The following ORC2 variants were observed in gnomAD, a reference collection of about 807,000 sequenced individuals.
ORC2 encodes origin recognition complex subunit 2, also known as origin recognition complex protein 2 homolog.
ORC2 carries 37 observed loss-of-function variants against 77.7 expected under a neutral mutation model. That is an observed-to-expected ratio of 0.48 (90% CI 0.37 to 0.63). The LOEUF is 0.63. ORC2 is among the 20% of genes least tolerant of loss of function. ORC2 has a pLI of 0.00. For missense variants in ORC2, 557 were observed against 661.9 expected (o/e 0.84, Z 1.74); for synonymous variants, 201 against 229.5 (o/e 0.88, Z 1.12).
intron 5 of ORC2, among the ~76,000 whole-genome samples, chr2:200,949,353 T>C (rs995673147): frequency 6.6e-6 from 1 of 152,074 alleles, no homozygotes; most frequent in Non-Finnish European, 1.5e-5. Context: ...AGAAGACATC[T>C]GAGCATGAAA....
intron 6 of ORC2, among the ~76,000 whole-genome samples, chr2:200,941,915 A>G (rs2041158603): frequency 6.6e-6 from 1 of 152,006 alleles, no homozygotes; most frequent in African/African-American, 2.4e-5. Flanking sequence ...TGAACCCAGA[A>G]GGCAGAGGTT....
At chr2:200,944,199 A>C (rs2041207727) in intron 5 of ORC2, among the ~76,000 whole-genome samples, 1 of 151,738 alleles carries the variant, frequency 6.6e-6, no homozygotes, top group Non-Finnish European at 1.5e-5. Flanking sequence ...TTTGAGATAG[A>C]GTCTTGCTCT....
intron 5 of ORC2, among the ~76,000 whole-genome samples, chr2:200,947,625 T>C (rs2041273059): frequency 6.6e-6 from 1 of 152,254 alleles, no homozygotes; most frequent in Non-Finnish European, 1.5e-5. Context: ...TGTATTTATA[T>C]ACCTTTATAA....
intron 17 of ORC2, among the ~76,000 whole-genome samples, chr2:200,912,866 G>T (rs16835618): frequency 1.3e-5 from 2 of 152,076 alleles, no homozygotes; most frequent in Non-Finnish European, 2.9e-5. Flanking sequence ...TTATGTGTGC[G>T]ATTACTTGAC....
intron 7 of ORC2, among the ~76,000 whole-genome samples, chr2:200,939,038 CA>C (rs1425388297): frequency 2.0e-5 from 3 of 147,578 alleles, no homozygotes; most frequent in African/African-American, 7.5e-5. Context: ...AACTCTTCCT[CA>C]GGGGGAAAAA....
intron 6 of ORC2, 120 bp from the exon 7 acceptor site, chr2:200,941,399 T>G: frequency 1.3e-6 from 1 of 783,826 alleles, no homozygotes; most frequent in East Asian, 2.7e-5. Flanking sequence ...TCCCAGCACT[T>G]TGGGAGGCAA....
rs1037538806 is a variant in ORC2, at chr2:200,963,602, C to T, written c.-172G>A. 4.3e-5 allele frequency: 17 copies of T among 398,386 alleles called. No homozygotes were observed. The East Asian group carries it at 5.3e-4, about 13-fold the overall frequency. The allele number at this position is 398,386 out of a possible 1,614,324, so 24.7% of individuals were successfully genotyped here. A position where few individuals can be genotyped will look rare whatever the true frequency, so the allele number is the denominator to read the frequency against. ...CGGCCCCAACGGGAAAAGCCAATTT[C>T]CAGTAATTCGCGCCCGACCACCGGG... On this transcript the variant is annotated 5_prime_UTR_variant, in exon 1 of 18. Coordinates refer to ENST00000234296, the MANE Select transcript of ORC2 (RefSeq NM_006190.5).
Position 200,963,572 on chromosome 2 carries a change from A to G in ORC2, c.-142T>C. On this transcript the variant is annotated 5_prime_UTR_variant, in exon 1 of 18. Coordinates refer to ENST00000234296, the MANE Select transcript of ORC2 (RefSeq NM_006190.5). ...GCTGAGTCGCCGCCGCAGGGAAGGT[A>G]CCTTCGGCCCCAACGGGAAAAGCCA... is the stretch of plus-strand genomic sequence containing the variant. 5.0e-6 allele frequency: 2 copies of G among 398,552 alleles called. No homozygotes were observed. The highest frequency in any genetic ancestry group is 8.8e-6 in the Non-Finnish European group (2 of 225,998). 24.7% of individuals were successfully genotyped at this position (398,552 alleles called of 1,614,324 possible).
chr2:200,956,670 G>A (rs1278692690), intron 4 of ORC2, among the ~76,000 whole-genome samples: 1 of 152,086 alleles, frequency 6.6e-6, no homozygotes, highest in Non-Finnish European at 1.5e-5. Context: ...TACTCAGGTG[G>A]CTAAGTTGGG....
chr2:200,938,007 A>G, intron 7 of ORC2, 41 bp from the exon 8 acceptor site: 2 of 1,373,764 alleles, frequency 1.5e-6, no homozygotes, highest in East Asian at 2.3e-5. Context: ...TAACATGGAA[A>G]TTAATGACTG....
chr2:200,944,376 T>C (rs1332898182), intron 5 of ORC2, among the ~76,000 whole-genome samples: 1 of 152,144 alleles, frequency 6.6e-6, no homozygotes, highest in African/African-American at 2.4e-5. Flanking sequence ...GGTTTCACCA[T>C]GCTGGCCAGG....
intron 17 of ORC2, 26 bp from the exon 18 acceptor site, chr2:200,911,413 G>A (rs776062381): frequency 1.9e-5 from 24 of 1,288,354 alleles, no homozygotes; most frequent in South Asian, 5.9e-5. Context: ...ATACCTGTAC[G>A]TTAGTCATTC....
chr2:200,940,305 C>T (rs887749514), intron 7 of ORC2, among the ~76,000 whole-genome samples: 1 of 152,100 alleles, frequency 6.6e-6, no homozygotes, highest in African/African-American at 2.4e-5. Flanking sequence ...TGGGGAGTAA[C>T]ACTGCAGAGA....
At chr2:200,954,164 C>A (rs1559024034) in intron 4 of ORC2, among the ~76,000 whole-genome samples, 1 of 151,980 alleles carries the variant, frequency 6.6e-6, no homozygotes, top group Non-Finnish European at 1.5e-5. Context: ...TCCCGAGTAG[C>A]TGAGATTACA....
At chr2:200,951,928 T>C (rs1205887800) in intron 4 of ORC2, among the ~76,000 whole-genome samples, 2 of 152,198 alleles carry the variant, frequency 1.3e-5, no homozygotes, top group African/African-American at 4.8e-5. Context: ...AAGAAAACTT[T>C]CTGTAATCAA....
chr2:200,958,490 T>C (rs943864436), intron 2 of ORC2, among the ~76,000 whole-genome samples: 3 of 152,204 alleles, frequency 2.0e-5, no homozygotes, highest in Admixed American at 6.5e-5. Flanking sequence ...GGGTGGTTAA[T>C]ACATGAGTGT....
chr2:200,916,090 T>C (rs1200756437), intron 15 of ORC2, among the ~76,000 whole-genome samples: 1 of 152,210 alleles, frequency 6.6e-6, no homozygotes, highest in African/African-American at 2.4e-5. Flanking sequence ...AAAGTCTAAA[T>C]GATACTGGAG....
At chr2:200,920,858 G>T in intron 14 of ORC2, 135 bp downstream of exon 14, 1 of 506,276 alleles carries the variant, frequency 2.0e-6, no homozygotes, top group African/African-American at 2.0e-5. Context: ...ACATCTTTTT[G>T]GCAACCTGTG....
At chr2:200,961,246 G>A (rs575962680) in intron 1 of ORC2, among the ~76,000 whole-genome samples, 1 of 152,190 alleles carries the variant, frequency 6.6e-6, no homozygotes, top group South Asian at 2.1e-4. Context: ...GTGCAGTGGT[G>A]CGATCTCAGC....
Sources: allele counts gnomAD v4.1 joint callset (sites outside exome capture counted in the v4.1 genomes callset), GRCh38; gene constraint gnomAD v4.1.1; transcripts MANE v1.5; gene names NCBI Gene and HGNC (gene_info 2026-07-23, HGNC 2026-07-21).